Variants in ASIC2 observed in about 807,000 individuals in gnomAD.
ASIC2 encodes acid sensing ion channel subunit 2, also known as acid-sensing ion channel 2.
ASIC2 carries 25 observed loss-of-function variants against 57.3 expected under a neutral mutation model. That is an observed-to-expected ratio of 0.44 (90% CI 0.32 to 0.61). ASIC2 has a LOEUF of 0.61. Among genes scored for constraint, ASIC2 ranks in the 20% least tolerant of loss-of-function variants. The pLI, the probability that ASIC2 is intolerant of heterozygous loss-of-function variation, is 0.06. For missense variants in ASIC2, 641 were observed against 738.1 expected, an observed-to-expected ratio of 0.87 and a Z score of 1.52; for synonymous variants, 319 against 307.5, an observed-to-expected ratio of 1.04 and a Z score of -0.39.
intron 1 of ASIC2, among the ~76,000 whole-genome samples, chr17:33,357,883 C>A (rs1267399873): frequency 6.6e-6 from 1 of 152,200 alleles, no homozygotes; most frequent in Non-Finnish European, 1.5e-5. Context: ...AAAGTATGAT[C>A]TCAGGATGAC....
rs148161328 is a variant in ASIC2, at chr17:34,141,538, G to A, written c.555+14440C>T. ...CTGTTTAGCTTCCCCACTAAACCAC[G>A]AGCTCCTTGAATGTCTAGACTGGGT... On this transcript the variant is annotated intron_variant, in intron 1 of 9. Coordinates refer to the ASIC2 transcript ENST00000359872. Among the ~76,000 whole-genome samples, 12 of 152,182 alleles carry A rather than the reference G, an allele frequency of 7.9e-5. No homozygotes were observed. The East Asian group carries it at 1.9e-3, about 24-fold the overall frequency.
intron 1 of ASIC2, among the ~76,000 whole-genome samples, chr17:33,485,903 C>T (rs1012491902): frequency 2.6e-5 from 4 of 152,218 alleles, no homozygotes; most frequent in African/African-American, 9.6e-5. Context: ...TTGAGCCTTC[C>T]CAGTTCATGC....
intron 1 of ASIC2, among the ~76,000 whole-genome samples, chr17:34,107,406 T>A (rs1911100786): frequency 6.6e-6 from 1 of 152,116 alleles, no homozygotes; most frequent in African/African-American, 2.4e-5. Context: ...CTACTTGGGT[T>A]GCTGAGGGAA....
chr17:33,708,371 C>G (rs2142074129), intron 1 of ASIC2, among the ~76,000 whole-genome samples: 1 of 151,964 alleles, frequency 6.6e-6, no homozygotes, highest in East Asian at 1.9e-4. Context: ...CCAAAGTTAT[C>G]TTGATATTTC....
intron 1 of ASIC2, among the ~76,000 whole-genome samples, chr17:33,218,631 G>A (rs1479505874): frequency 2.0e-5 from 3 of 152,094 alleles, no homozygotes; most frequent in East Asian, 3.9e-4. Context: ...GCATTGCCGG[G>A]GTGGGGGTGG....
rs114111888 is a variant in ASIC2 at position 33,121,962 on chromosome 17, C to T, written c.709-9895G>A. Among the ~76,000 whole-genome samples, 590 of 152,270 alleles carry T rather than the reference C, an allele frequency of 3.9e-3. 8 individuals are homozygous for T. The highest frequency in any genetic ancestry group is 0.013 in the African/African-American group (537 of 41,546). ...TCACCAGACCACACCTAGGAGCATA[C>T]GGCCAAGACAAGTAGATTAAATAAG... is the stretch of plus-strand genomic sequence containing the variant. On this transcript the variant is annotated intron_variant, in intron 1 of 9. Transcript: ENST00000225823.
chr17:34,126,604 A>G (rs1176646326), intron 1 of ASIC2, among the ~76,000 whole-genome samples: 2 of 152,042 alleles, frequency 1.3e-5, no homozygotes, highest in Non-Finnish European at 2.9e-5. Context: ...ATTACCTCTC[A>G]TCCACTGTCA....
chr17:33,169,537 G>T (rs1356867199), intron 1 of ASIC2, among the ~76,000 whole-genome samples: 1 of 152,172 alleles, frequency 6.6e-6, no homozygotes, highest in Non-Finnish European at 1.5e-5. Flanking sequence ...GCTCAGAAAG[G>T]CTGTACAATG....
At chr17:33,144,965 C>CATTCCTAG (rs1904495812) in intron 1 of ASIC2, among the ~76,000 whole-genome samples, 5 of 152,212 alleles carry the variant, frequency 3.3e-5, no homozygotes, top group Admixed American at 2.6e-4. Context: ...TTCAGCTCTG[C>CATTCCTAG]ATTCCTAGAG....
intron 1 of ASIC2, among the ~76,000 whole-genome samples, chr17:34,054,686 T>C (rs534766499): frequency 1.3e-5 from 2 of 152,326 alleles, no homozygotes; most frequent in Non-Finnish European, 2.9e-5. Flanking sequence ...CTGCTGACCA[T>C]GGTGCTAGTC....
At chr17:33,069,742 A>C (rs2092059706) in intron 3 of ASIC2, among the ~76,000 whole-genome samples, 1 of 152,058 alleles carries the variant, frequency 6.6e-6, no homozygotes, top group Non-Finnish European at 1.5e-5. Context: ...TTTAAAATAC[A>C]TTTTTTCTGG....
intron 3 of ASIC2, among the ~76,000 whole-genome samples, chr17:33,084,563 A>T (rs1189025518): frequency 6.6e-6 from 1 of 152,236 alleles, no homozygotes; most frequent in African/African-American, 2.4e-5. Context: ...TTATTCAACC[A>T]CGCAGTTTTG....
intron 1 of ASIC2, among the ~76,000 whole-genome samples, chr17:33,786,521 C>A (rs980978478): frequency 6.6e-6 from 1 of 152,084 alleles, no homozygotes; most frequent in Non-Finnish European, 1.5e-5. Context: ...ATTTTTAATA[C>A]CCACCTAATT....
intron 1 of ASIC2, among the ~76,000 whole-genome samples, chr17:33,874,562 T>C (rs1426987924): frequency 6.6e-6 from 1 of 152,244 alleles, no homozygotes; most frequent in African/African-American, 2.4e-5. Flanking sequence ...CTTAACCTCG[T>C]CTGGAACTGG....
At chr17:33,825,972 G>A (rs780766235) in intron 1 of ASIC2, among the ~76,000 whole-genome samples, 39 of 152,050 alleles carry the variant, frequency 2.6e-4, no homozygotes, top group Non-Finnish European at 4.7e-4. Flanking sequence ...TCATGATTGA[G>A]GCAATTTAAA....
chr17:33,023,460 A>G (rs888633189), intron 6 of ASIC2, among the ~76,000 whole-genome samples: 3 of 151,414 alleles, frequency 2.0e-5, no homozygotes, highest in African/African-American at 7.3e-5. Flanking sequence ...ACTGCACTCC[A>G]GCCTGGGCAA....
At chr17:33,579,731 C>T (rs1057142448) in intron 1 of ASIC2, among the ~76,000 whole-genome samples, 4 of 152,116 alleles carry the variant, frequency 2.6e-5, no homozygotes, top group African/African-American at 7.2e-5. Context: ...AAAAGTAGTG[C>T]GGACCCAAAC....
chr17:33,522,005 C>G lies in ASIC2; in HGVS notation c.556-409938G>C, dbSNP rs551618783. ...GGGCCCTCTGCTGGGCAGCCGCTGC[C>G]TGGCCTATGGGATAGCTGAGCAAAG... is the stretch of plus-strand genomic sequence containing the variant. On this transcript the variant is annotated intron_variant, in intron 1 of 9. Transcript: ENST00000359872. Among the ~76,000 whole-genome samples, 32 of 152,314 alleles carry G rather than the reference C, an allele frequency of 2.1e-4. No individual in the cohort carries two copies. The East Asian group carries it at 6.2e-3, about 29-fold the overall frequency.
chr17:33,654,436 G>A (rs903116326), intron 1 of ASIC2, among the ~76,000 whole-genome samples: 1 of 152,188 alleles, frequency 6.6e-6, no homozygotes, highest in Non-Finnish European at 1.5e-5. Context: ...TTGGCTCTGA[G>A]CCTTAATCAA....
Sources: allele counts gnomAD v4.1 joint callset (sites outside exome capture counted in the v4.1 genomes callset), GRCh38; gene constraint gnomAD v4.1.1; transcripts MANE v1.5; gene names NCBI Gene and HGNC (gene_info 2026-07-23, HGNC 2026-07-21).